DSG1: variants seen among roughly 807,000 people sequenced by gnomAD.
DSG1 encodes the protein desmoglein-1.
A neutral mutation model predicts 97.5 loss-of-function variants in DSG1; 39 were observed. The ratio of observed to expected loss-of-function variants is 0.40; its 90% CI spans 0.31 to 0.52. The LOEUF is 0.52. DSG1 is among the 20% of genes least tolerant of loss of function. The pLI, the probability that DSG1 is intolerant of heterozygous loss-of-function variation, is 0.53. For synonymous variants in DSG1, 475 were observed against 443.4 expected, an observed-to-expected ratio of 1.07 and a Z score of -0.90; for missense variants, 1,311 against 1,295.4, an observed-to-expected ratio of 1.01 and a Z score of -0.18.
chr18:31,327,794 G>A (rs1397498382), intron 3 of DSG1, among the ~76,000 whole-genome samples: 1 of 152,112 alleles, frequency 6.6e-6, no homozygotes, highest in Non-Finnish European at 1.5e-5. Context: ...GTTGCATGAT[G>A]ACAACATTGA....
At chr18:31,334,795 C>G (rs1236667073) in intron 8 of DSG1, among the ~76,000 whole-genome samples, 1 of 152,072 alleles carries the variant, frequency 6.6e-6, no homozygotes, top group Admixed American at 6.6e-5. Context: ...ATGCCGTTCT[C>G]TTATGTCCTC....
At chr18:31,330,892 A>G (rs1486949963) in intron 5 of DSG1, among the ~76,000 whole-genome samples, 1 of 152,096 alleles carries the variant, frequency 6.6e-6, no homozygotes, top group East Asian at 1.9e-4. Context: ...TATCTAGTGA[A>G]AACATTTTAA....
chr18:31,322,118 G>A (rs144110681), intron 1 of DSG1, among the ~76,000 whole-genome samples: 12 of 152,270 alleles, frequency 7.9e-5, no homozygotes, highest in East Asian at 3.9e-4. Context: ...TTTCATACTC[G>A]TCTAATGAGA....
chr18:31,332,008 A>C, intron 6 of DSG1, 141 bp downstream of exon 6: 1 of 772,438 alleles, frequency 1.3e-6, no homozygotes. Context: ...CTTTCATGTA[A>C]GAAATATTTT....
chr18:31,328,259 C>T lies in DSG1; in HGVS notation c.287C>T (p.Pro96Leu). 1 of 1,613,542 alleles carries T rather than the reference C, an allele frequency of 6.2e-7. No homozygotes were observed. The highest frequency in any genetic ancestry group is 2.2e-5 in the East Asian group (1 of 44,848). ...RISGVGIDQP[P>L]YGIFVINQKT... ...TCTGGAGTAGGAATTGATCAGCCAC[C>T]ATATGGGATCTTTGTCATTAATCAG... The change falls in exon 4 of 15, where the codon CCA becomes CTA. Residue 96 changes from proline to leucine, a missense_variant. By Grantham distance (98) the Pro-to-Leu change is moderately conservative (BLOSUM62 -3). Transcript: ENST00000257192.
chr18:31,336,446 A>G lies in DSG1; in HGVS notation c.1098A>G (p.Lys366=). 5 of 1,614,016 alleles carry G rather than the reference A, an allele frequency of 3.1e-6. No homozygotes were observed. The highest frequency in any genetic ancestry group is 4.2e-6 in the Non-Finnish European group (5 of 1,179,936). ...EFHHSIMSQY[K]LKASAISVTV... ...ATCATTCAATTATGTCTCAATATAA[A>G]CTGAAAGCATCTGCAATTTCTGTGA... Residue 366 remains lysine, a synonymous_variant, in exon 9 of 15, where the codon AAA becomes AAG. Coordinates refer to ENST00000257192, the MANE Select transcript of DSG1 (RefSeq NM_001942.4).
Position 31,354,622 on chromosome 18 carries a change from T to C in DSG1, c.2426T>C (p.Ile809Thr). The C allele has an allele frequency of 6.2e-7, 1 of 1,614,152 alleles. No individual in the cohort carries two copies. Among genetic ancestry groups the C allele is most frequent in the South Asian group, 1.1e-5 (1 of 91,080 alleles). The stretch of plus-strand genomic sequence containing the variant: ...CCACATTTCGGCACTACCACAGTAA[T>C]TTCTGAGAGCACCTATCCCTCGGGA... Reference protein sequence around the residue: ...ISPHFGTTTVISESTYPSGPG... With the variant: ...ISPHFGTTTVTSESTYPSGPG... The change falls in exon 15 of 15, where the codon ATT becomes ACT. Residue 809 changes from isoleucine (I) to threonine (T), a missense_variant. Transcript: ENST00000257192.
chr18:31,320,540 C>A (rs1260424994), intron 1 of DSG1, among the ~76,000 whole-genome samples: 1 of 152,158 alleles, frequency 6.6e-6, no homozygotes, highest in African/African-American at 2.4e-5. Context: ...GAGAACAAAG[C>A]TGGAGGAGCT....
At chr18:31,353,383 C>A (rs1176573481) in intron 14 of DSG1, among the ~76,000 whole-genome samples, 1 of 150,918 alleles carries the variant, frequency 6.6e-6, no homozygotes, top group East Asian at 2.0e-4. Context: ...AGCTGTCAGA[C>A]AGGGACATTT....
chr18:31,357,624 C>T lies in DSG1; in HGVS notation c.*2278C>T, dbSNP rs528991845. On this transcript the variant is annotated 3_prime_UTR_variant, in exon 15 of 15. Coordinates refer to ENST00000257192, the MANE Select transcript of DSG1 (RefSeq NM_001942.4). ...TTTAATAACTGTTGCTGTCAAAATC[C>T]ATTGGTTGTTAAGATCCCCCCAATT... Among the ~76,000 whole-genome samples the T allele has an allele frequency of 6.6e-6, 1 of 151,938 alleles. No homozygotes were observed. Among genetic ancestry groups the T allele is most frequent in the Admixed American group, 6.6e-5 (1 of 15,262 alleles).
intron 1 of DSG1, among the ~76,000 whole-genome samples, chr18:31,323,351 T>TC (rs1296117019): frequency 6.6e-6 from 1 of 152,056 alleles, no homozygotes; most frequent in Non-Finnish European, 1.5e-5. Context: ...CAATTTCCCT[T>TC]CCCCAGTTTA....
rs2071809341 is a variant in DSG1 at position 31,343,937 on chromosome 18, TG to T, written c.1834del (p.Val612SerfsTer12). Reference protein sequence around the residue: ...PQPEPRDITTVIPQIPPDNAN... With the variant: ...PQPEPRDITTXIPQIPPDNAN... ...TTCCTGTCTTTTAGGATATAACCAC[TG>T]TCATACCACAAATACCACCTGATAA... On this transcript the variant is annotated frameshift_variant, in exon 13 of 15. Coordinates refer to ENST00000257192, the MANE Select transcript of DSG1 (RefSeq NM_001942.4). LOFTEE classifies it high-confidence loss of function. 6.2e-7 allele frequency: 1 copy of T among 1,612,430 alleles called. No homozygotes were observed.
intron 14 of DSG1, among the ~76,000 whole-genome samples, chr18:31,353,513 T>C (rs1299210802): frequency 3.9e-5 from 6 of 152,130 alleles, no homozygotes; most frequent in Non-Finnish European, 7.4e-5. Context: ...TCGAGCTTCC[T>C]GTCTGCTTTG....
chr18:31,334,941 A>G (rs2071742769), intron 8 of DSG1, among the ~76,000 whole-genome samples: 1 of 152,208 alleles, frequency 6.6e-6, no homozygotes, highest in African/African-American at 2.4e-5. Context: ...TTTAAAATCT[A>G]CAACAGCTGT....
At chr18:31,321,588 C>G (rs2071654453) in intron 1 of DSG1, among the ~76,000 whole-genome samples, 2 of 152,138 alleles carry the variant, frequency 1.3e-5, no homozygotes, top group African/African-American at 4.8e-5. Flanking sequence ...TCTTCTATCA[C>G]CTTTACAGAA....
At chr18:31,331,622 C>G in intron 5 of DSG1, 79 bp from the exon 6 acceptor site, 1 of 1,382,614 alleles carries the variant, frequency 7.2e-7, no homozygotes, top group Non-Finnish European at 1.0e-6. Flanking sequence ...AACTCTAACA[C>G]TTTTTTGGAA....
At position 31,358,250 on chromosome 18, in the gene DSG1, C is replaced by A. The variant is rs1359836391; in HGVS notation, c.*2904C>A. ...AGCAAAAATCAGTGTATTATAAATA[C>A]TTTACCATTTAATATCAACCAAAAT... On this transcript the variant is annotated 3_prime_UTR_variant, in exon 15 of 15. Coordinates refer to ENST00000257192, the MANE Select transcript of DSG1 (RefSeq NM_001942.4). Among the ~76,000 whole-genome samples, 1 of 151,898 alleles carries A rather than the reference C, an allele frequency of 6.6e-6. No homozygotes were observed. The highest frequency in any genetic ancestry group is 6.6e-5 in the Admixed American group (1 of 15,250).
At position 31,355,879 on chromosome 18, in the gene DSG1, C is replaced by T. The variant is rs1191297607; in HGVS notation, c.*533C>T. On this transcript the variant is annotated 3_prime_UTR_variant, in exon 15 of 15. Coordinates refer to ENST00000257192, the MANE Select transcript of DSG1 (RefSeq NM_001942.4). ...CAAGTCCACAAGCCATCAAGCACTC[C>T]TACCTTAATTATTGCACTAGAGAAA... 3 of 154,970 alleles carry T rather than the reference C, an allele frequency of 1.9e-5. No homozygotes were observed. The highest frequency in any genetic ancestry group is 4.3e-5 in the Non-Finnish European group (3 of 69,836). 9.6% of individuals were successfully genotyped at this position (154,970 alleles called of 1,614,324 possible).
At chr18:31,322,307 C>T (rs8091847) in intron 1 of DSG1, among the ~76,000 whole-genome samples, 58,312 of 152,066 alleles carry the variant, frequency 0.38, 12,733 homozygotes, top group Non-Finnish European at 0.49. Flanking sequence ...AAGGAAGTTT[C>T]TGGATAGTTT....
Sources: gnomAD v4.1 joint callset for allele counts (sites outside exome capture counted in the v4.1 genomes callset) on GRCh38, gnomAD v4.1.1 for gene constraint, MANE v1.5 for transcripts, NCBI Gene and HGNC (gene_info 2026-07-23, HGNC 2026-07-21) for gene names.